Variants in GSTM2 observed in about 807,000 individuals in gnomAD.
GSTM2 encodes the protein glutathione S-transferase mu 2.
Under a neutral mutation model 33.3 loss-of-function variants are expected in GSTM2, and 33 were observed. That is an observed-to-expected ratio of 0.99 (90% CI 0.75 to 1.33). The LOEUF (loss-of-function observed/expected upper bound fraction) is 1.33, where lower values mean the gene tolerates loss of function less well. GSTM2 is among the 40% of genes most tolerant of loss of function. GSTM2 has a pLI of 0.00. For missense variants in GSTM2, 213 were observed against 265.8 expected (o/e 0.80, Z 1.38); for synonymous variants, 93 against 95.6 (o/e 0.97, Z 0.16).
intron 7 of GSTM2, among the ~76,000 whole-genome samples, chr1:109,682,304 T>G (rs1306088522): frequency 2.1e-5 from 1 of 46,524 alleles, no homozygotes; most frequent in African/African-American, 5.8e-5. Context: ...CCAGTGGCAC[T>G]ATCTCGGCTC....
rs1480615152 is a variant in GSTM2 at position 109,673,058 on chromosome 1, T to C, written c.567+1475T>C. 3.3e-5 allele frequency: 28 copies of C among 843,814 alleles called. No homozygotes were observed. The East Asian group carries it at 8.0e-4, about 24-fold the overall frequency. 52.3% of individuals were successfully genotyped at this position (843,814 alleles called of 1,614,324 possible). A position where few individuals can be genotyped will look rare whatever the true frequency, so the allele number is the denominator to read the frequency against. ...CTAATTTTTGTATTTTTAGTAGAGA[T>C]GGGGTTTTGCTATGTTGGCCAGGCT... On this transcript the variant is annotated intron_variant, in intron 7 of 7. Coordinates refer to ENST00000241337, the MANE Select transcript of GSTM2 (RefSeq NM_000848.4).
chr1:109,675,723 C>T (rs1647688395), downstream of GSTM2, among the ~76,000 whole-genome samples: 2 of 152,240 alleles, frequency 1.3e-5, no homozygotes, highest in Admixed American at 1.3e-4. Context: ...CAGGTACCCT[C>T]TCCAGGCTTG....
In GSTM2 at chr1:109,671,589, GC is replaced by G. The variant is rs1557958978; in HGVS notation, c.567+11del. ...ACTTCATCTCCCGATTTGAGGTGAT[GC>G]CCCCAGCCTCCTTTCTCTTTATGTC... On this transcript the variant is annotated splice_region_variant and intron_variant, in intron 7 of 7. Transcript: ENST00000241337. 1 of 1,430,568 alleles carries G rather than the reference GC, an allele frequency of 7.0e-7. No homozygotes were observed. Among genetic ancestry groups the G allele is most frequent in the Non-Finnish European group, 9.9e-7 (1 of 1,012,480 alleles). The allele number at this position is 1,430,568 out of a possible 1,614,324, so 88.6% of individuals were successfully genotyped here.
chr1:109,673,193 A>G (rs765990193), intron 7 of GSTM2: 6 of 1,610,856 alleles, frequency 3.7e-6, no homozygotes, highest in Admixed American at 3.3e-5. Context: ...TTTTCCCTCC[A>G]ATGTTCCAGG....
At chr1:109,676,603 G>A (rs1488314251), downstream of GSTM2, among the ~76,000 whole-genome samples, 6 of 152,022 alleles carry the variant, frequency 3.9e-5, no homozygotes, top group African/African-American at 7.3e-5. Context: ...CACCCACCTC[G>A]GCTTCCCAAA....
At chr1:109,678,520 C>T (rs563476651), downstream of GSTM2, among the ~76,000 whole-genome samples, 19 of 151,948 alleles carry the variant, frequency 1.3e-4, no homozygotes, top group Admixed American at 1.2e-3. Context: ...GCCGAGGGGG[C>T]AGATCACGAG....
At chr1:109,679,438 A>G (rs748379638), downstream of GSTM2, among the ~76,000 whole-genome samples, 7 of 152,218 alleles carry the variant, frequency 4.6e-5, no homozygotes, top group Non-Finnish European at 8.8e-5. Flanking sequence ...GCCATTGCAC[A>G]CTGCACTCCA....
Position 109,673,704 on chromosome 1 carries a change from A to G in GSTM2, c.568-1043A>G, listed in dbSNP as rs573088332. 1.7e-4 allele frequency among the ~76,000 whole-genome samples: 26 copies of G among 152,206 alleles called. No homozygotes were observed. In the East Asian group the frequency reaches 4.1e-3, roughly 24 times the overall value. On this transcript the variant is annotated intron_variant, in intron 7 of 7. Transcript: ENST00000241337. Reference sequence around the variant, plus strand: ...AACCTCCGCTTCCTGGGTTCAAGCAATTCTCTGCCTCAGCCTACCAAGTAG... The same window carrying G: ...AACCTCCGCTTCCTGGGTTCAAGCAGTTCTCTGCCTCAGCCTACCAAGTAG...
intron 7 of GSTM2, among the ~76,000 whole-genome samples, chr1:109,673,856 T>C (rs915154841): frequency 5.3e-5 from 8 of 152,078 alleles, no homozygotes; most frequent in African/African-American, 1.9e-4. Context: ...GTCTCGGCCT[T>C]CCAAAGTGCT....
intron 4 of GSTM2, 23 bp downstream of exon 4, chr1:109,669,394 T>A: frequency 1.2e-6 from 2 of 1,614,156 alleles, no homozygotes; most frequent in South Asian, 2.2e-5. Context: ...GGTTGCAAGA[T>A]GCGGGGAGGG....
At chr1:109,673,678 C>A (rs574797618) in intron 7 of GSTM2, among the ~76,000 whole-genome samples, 2 of 152,318 alleles carry the variant, frequency 1.3e-5, no homozygotes, top group East Asian at 3.9e-4. Flanking sequence ...TGGCTCACTG[C>A]AACCTCCGCT....
At chr1:109,670,175 A>G (rs1647483539) in intron 5 of GSTM2, 1 of 80,194 alleles carries the variant, frequency 1.2e-5, no homozygotes, top group African/African-American at 4.3e-5. Flanking sequence ...CATTTTACAG[A>G]GTGCTGATTG....
intron 7 of GSTM2, among the ~76,000 whole-genome samples, chr1:109,682,482 C>T (rs548689321): frequency 0.043 from 4,177 of 96,622 alleles, 351 homozygotes; most frequent in African/African-American, 0.12. Context: ...CCTCGTGATC[C>T]GCCCGCCTTG....
At chr1:109,679,915 G>A (rs759968851), downstream of GSTM2, among the ~76,000 whole-genome samples, 65 of 152,208 alleles carry the variant, frequency 4.3e-4, 1 homozygote, top group Middle Eastern at 6.8e-3. Context: ...AACTGTCAGG[G>A]CCCAGAGAGG....
At chr1:109,669,147 A>G (rs1647436680) in intron 3 of GSTM2, 143 bp from the exon 4 acceptor site, 2 of 1,271,612 alleles carry the variant, frequency 1.6e-6, no homozygotes, top group Admixed American at 3.4e-5. Context: ...TCTGTGTCCC[A>G]GCTCATTTAT....
At position 109,671,383 on chromosome 1, in the gene GSTM2, G is replaced by GTAATGGGGGCGTGTGATGGGGACAAGT. The variant is rs1170896782; in HGVS notation, c.456+25_456+26insAGTTAATGGGGGCGTGTGATGGGGACA. Reference sequence around the variant, plus strand: ...GCAGCCATGGTTTCTTGGGGACAAGGTAATGGGGGCGTGTGATGGGGACAC... The same window carrying GTAATGGGGGCGTGTGATGGGGACAAGT: ...GCAGCCATGGTTTCTTGGGGACAAGGTAATGGGGGCGTGTGATGGGGACAAGTTAATGGGGGCGTGTGATGGGGACAC... On this transcript the variant is annotated splice_donor_variant, in intron 6 of 7. Coordinates refer to ENST00000241337, the MANE Select transcript of GSTM2 (RefSeq NM_000848.4). LOFTEE classifies it high-confidence loss of function. 1 of 1,610,680 alleles carries GTAATGGGGGCGTGTGATGGGGACAAGT rather than the reference G, an allele frequency of 6.2e-7. No homozygotes were observed. The highest frequency in any genetic ancestry group is 2.2e-5 in the East Asian group (1 of 44,866).
At chr1:109,676,496 C>T (rs770430246), downstream of GSTM2, among the ~76,000 whole-genome samples, 16 of 152,040 alleles carry the variant, frequency 1.1e-4, no homozygotes, top group African/African-American at 2.2e-4. Flanking sequence ...GGACTACAGG[C>T]GTGCACACTG....
chr1:109,668,536 A>C, intron 2 of GSTM2, 36 bp downstream of exon 2: 1 of 1,610,428 alleles, frequency 6.2e-7, no homozygotes, highest in Non-Finnish European at 8.5e-7. Context: ...CTGCCCCCTC[A>C]CACTAAGTTG....
rs1466699643 is a variant in GSTM2, at chr1:109,669,299, T to C, written c.187T>C (p.Leu63=). The C allele has an allele frequency of 6.2e-7, 1 of 1,614,138 alleles. No individual in the cohort carries two copies. The highest frequency in any genetic ancestry group is 8.5e-7 in the Non-Finnish European group (1 of 1,180,022). ...LGLDFPNLPY[L]IDGTHKITQS... ...TTTCCCATCTATCCAGCTGCCCTAC[T>C]TGATTGATGGGACTCACAAGATCAC... The change falls in exon 4 of 8, where the codon TTG becomes CTG. Residue 63 remains leucine, a synonymous_variant. Transcript: ENST00000241337.
Sources: gnomAD v4.1 joint callset for allele counts (sites outside exome capture counted in the v4.1 genomes callset) on GRCh38, gnomAD v4.1.1 for gene constraint, MANE v1.5 for transcripts, NCBI Gene and HGNC (gene_info 2026-07-23, HGNC 2026-07-21) for gene names.